Variants in PIWIL1 observed in about 807,000 individuals in gnomAD.
The protein encoded by PIWIL1 is piwi like RNA-mediated gene silencing 1, also known as piwi-like protein 1.
In PIWIL1, 73 loss-of-function variants were observed where a neutral mutation model predicts 114.4. The observed-to-expected ratio is 0.64, with a 90% CI of 0.53 to 0.78. PIWIL1 has a LOEUF of 0.78. Among genes scored for constraint, PIWIL1 ranks in the 30% least tolerant of loss-of-function variants. PIWIL1 has a pLI of 0.00. For synonymous variants in PIWIL1, 375 were observed against 369.0 expected (o/e 1.02, Z -0.19); for missense variants, 723 against 1,063.1 (o/e 0.68, Z 4.45).
At chr12:130,350,755 T>C (rs2073190013) in intron 9 of PIWIL1, among the ~76,000 whole-genome samples, 1 of 152,236 alleles carries the variant, frequency 6.6e-6, no homozygotes, top group Non-Finnish European at 1.5e-5. Context: ...TCACATTTTC[T>C]TCTACTTTCA....
the PIWIL1 span, among the ~76,000 whole-genome samples, chr12:130,420,059 T>C: frequency 6.6e-6 from 1 of 152,188 alleles, no homozygotes; most frequent in Non-Finnish European, 1.5e-5. The surrounding 1 kb of genome is among the most constrained non-coding windows in gnomAD (Gnocchi z 4.3). Context: ...GAAATATAGA[T>C]TTCTAAAATA....
At chr12:130,382,994 A>C in the PIWIL1 span, among the ~76,000 whole-genome samples, 42 of 152,362 alleles carry the variant, frequency 2.8e-4, no homozygotes, top group East Asian at 1.4e-3. Flanking sequence ...TTCTCAACTT[A>C]GGTGTAAACA....
At chr12:130,354,422 A>G (rs989883747) in intron 9 of PIWIL1, 115 bp from the exon 10 acceptor site, 9 of 1,307,532 alleles carry the variant, frequency 6.9e-6, no homozygotes, top group Admixed American at 4.2e-5. Flanking sequence ...AGCTATTATC[A>G]GCCTTGCTAT....
intron 1 of PIWIL1, among the ~76,000 whole-genome samples, chr12:130,339,202 C>G (rs938377945): frequency 1.3e-5 from 2 of 151,968 alleles, no homozygotes; most frequent in Non-Finnish European, 2.9e-5. Context: ...CTGCGAGGCC[C>G]GGGGGTCCTC....
downstream of PIWIL1, among the ~76,000 whole-genome samples, chr12:130,374,726 C>G (rs780570862): frequency 4.6e-5 from 7 of 152,206 alleles, no homozygotes; most frequent in Non-Finnish European, 1.0e-4. Context: ...TGCCCCATCC[C>G]TGGGCTCTTC....
At chr12:130,399,272 G>T in the PIWIL1 span, 2 of 558,636 alleles carry the variant, frequency 3.6e-6, no homozygotes, top group Non-Finnish European at 5.3e-6. Context: ...CATGAATGTA[G>T]TCTAATAGTT....
chr12:130,342,574 C>T lies in PIWIL1; in HGVS notation c.-12-6C>T. 2 of 1,578,926 alleles carry T rather than the reference C, an allele frequency of 1.3e-6. No individual in the cohort carries two copies. The highest frequency in any genetic ancestry group is 2.2e-5 in the East Asian group (1 of 44,748). On this transcript the variant is annotated splice_region_variant and splice_polypyrimidine_tract_variant and intron_variant, in intron 1 of 20. Coordinates refer to ENST00000245255, the MANE Select transcript of PIWIL1 (RefSeq NM_004764.5). ...AGTATTGTCTTCAAGATTGTTTCCTCTCCAGAAATAGAAAACAATGACTGG... is the reference window on the plus strand; with the variant it reads ...AGTATTGTCTTCAAGATTGTTTCCTTTCCAGAAATAGAAAACAATGACTGG...
the PIWIL1 span, among the ~76,000 whole-genome samples, chr12:130,379,217 A>C: frequency 6.6e-6 from 1 of 152,230 alleles, no homozygotes; most frequent in African/African-American, 2.4e-5. Flanking sequence ...TGTACCTGGT[A>C]CTGGTATCTA....
chr12:130,340,512 C>T (rs890813248), intron 1 of PIWIL1, among the ~76,000 whole-genome samples: 1 of 151,824 alleles, frequency 6.6e-6, no homozygotes, highest in Admixed American at 6.6e-5. Context: ...AATCTAATGC[C>T]TCCACTGATC....
chr12:130,347,304 G>A (rs2073095470), intron 6 of PIWIL1, among the ~76,000 whole-genome samples: 1 of 152,148 alleles, frequency 6.6e-6, no homozygotes, highest in African/African-American at 2.4e-5. Context: ...CTTGTGTTCA[G>A]AACACTCATA....
At chr12:130,381,086 C>T in the PIWIL1 span, among the ~76,000 whole-genome samples, 3 of 152,270 alleles carry the variant, frequency 2.0e-5, no homozygotes, top group African/African-American at 7.2e-5. Flanking sequence ...CCTTGTTACA[C>T]TTGATGAACC....
chr12:130,365,876 C>T (rs535885494), intron 18 of PIWIL1, among the ~76,000 whole-genome samples: 3 of 152,310 alleles, frequency 2.0e-5, no homozygotes, highest in South Asian at 4.2e-4. Flanking sequence ...ATTTTCAACA[C>T]GTTCATTGTG....
intron 14 of PIWIL1, 134 bp downstream of exon 14, chr12:130,357,687 G>A: frequency 1.4e-5 from 9 of 635,678 alleles, no homozygotes; most frequent in Non-Finnish European, 2.5e-5. Context: ...AATATGTTTT[G>A]TAACCATAAA....
Position 130,371,700 on chromosome 12 carries a change from C to T in PIWIL1, c.*102C>T. On this transcript the variant is annotated 3_prime_UTR_variant, in exon 21 of 21. Coordinates refer to ENST00000245255, the MANE Select transcript of PIWIL1 (RefSeq NM_004764.5). ...TTAACTGTTATCTTTCTGGATGAAA[C>T]TTGGGAAGGGGATTAGGAGATCTAG... is the stretch of plus-strand genomic sequence containing the variant. The T allele has an allele frequency of 2.8e-6, 2 of 717,524 alleles. No individual in the cohort carries two copies. Among genetic ancestry groups the T allele is most frequent in the Admixed American group, 2.6e-5 (1 of 39,142 alleles). 44.4% of individuals were successfully genotyped at this position (717,524 alleles called of 1,614,324 possible). A position where few individuals can be genotyped will look rare whatever the true frequency, so the allele number is the denominator to read the frequency against.
chr12:130,364,364 A>C (rs966595671), intron 18 of PIWIL1, among the ~76,000 whole-genome samples: 4 of 152,200 alleles, frequency 2.6e-5, no homozygotes, highest in African/African-American at 4.8e-5. Flanking sequence ...GCGTAGGAAA[A>C]GGACAAGCAC....
Position 130,349,945 on chromosome 12 carries a change from G to C in PIWIL1, c.1022G>C (p.Ser341Thr), listed in dbSNP as rs148826391. ...TFKKADGSEV[S>T]FLEYYRKQYN... The stretch of plus-strand genomic sequence containing the variant: ...AAGAAAGCCGACGGCTCTGAAGTCA[G>C]CTTCTTAGAATACTACAGGAAGGTA... The change falls in exon 9 of 21, where the codon AGC becomes ACC. Residue 341 changes from serine to threonine, a missense_variant. By Grantham distance (58) the Ser-to-Thr change is moderately conservative. Coordinates refer to ENST00000245255, the MANE Select transcript of PIWIL1 (RefSeq NM_004764.5). 2.3e-4 allele frequency: 366 copies of C among 1,610,172 alleles called. 2 individuals carry two copies. In the African/African-American group the frequency reaches 4.3e-3, roughly 19 times the overall value.
chr12:130,381,176 T>C, the PIWIL1 span, among the ~76,000 whole-genome samples: 1 of 152,180 alleles, frequency 6.6e-6, no homozygotes, highest in Admixed American at 6.5e-5. Flanking sequence ...TTTGAGAGAT[T>C]GCCTGTGCCC....
intron 1 of PIWIL1, chr12:130,339,574 C>T (rs1376314571): frequency 6.6e-6 from 1 of 152,212 alleles, no homozygotes; most frequent in Non-Finnish European, 1.5e-5. Flanking sequence ...TTATTGGAAG[C>T]ACACACTTGC....
the PIWIL1 span, chr12:130,412,637 T>C: frequency 1.2e-6 from 2 of 1,614,012 alleles, no homozygotes; most frequent in Non-Finnish European, 1.7e-6. Flanking sequence ...TCCACAGGTG[T>C]ATTCAGAGGG....
Sources: allele counts gnomAD v4.1 joint callset (sites outside exome capture counted in the v4.1 genomes callset), GRCh38; gene constraint gnomAD v4.1.1; non-coding constraint Gnocchi (gnomAD v3.1); transcripts MANE v1.5; gene names NCBI Gene and HGNC (gene_info 2026-07-23, HGNC 2026-07-21).